The following CPVL variants were observed in gnomAD, a reference collection of about 807,000 sequenced individuals.
CPVL encodes the protein carboxypeptidase vitellogenic like.
A neutral mutation model predicts 63.7 loss-of-function variants in CPVL; 51 were observed. That is an observed-to-expected ratio of 0.80 (90% CI 0.64 to 1.01). The LOEUF is 1.01. Ranked by LOEUF, CPVL falls within the 50% of genes least tolerant of loss-of-function variation. The pLI, the probability that CPVL is intolerant of heterozygous loss-of-function variation, is 0.00. For synonymous variants in CPVL, 195 were observed against 206.0 expected, an observed-to-expected ratio of 0.95 and a Z score of 0.46; for missense variants, 530 against 573.1, an observed-to-expected ratio of 0.92 and a Z score of 0.77.
chr7:29,170,233 A>G (rs1235360886), intron 5 of CPVL, among the ~76,000 whole-genome samples: 2 of 152,166 alleles, frequency 1.3e-5, no homozygotes, highest in Non-Finnish European at 2.9e-5. Flanking sequence ...TGCTGGTGAT[A>G]CTGATGAAAC....
intron 2 of CPVL, among the ~76,000 whole-genome samples, chr7:29,115,209 A>C (rs1788656425): frequency 6.6e-6 from 1 of 152,252 alleles, no homozygotes; most frequent in South Asian, 2.1e-4. Flanking sequence ...ATATGGGTTC[A>C]GTCAATTGGA....
At chr7:29,129,785 C>T (rs1790489092) in intron 1 of CPVL, among the ~76,000 whole-genome samples, 1 of 152,096 alleles carries the variant, frequency 6.6e-6, no homozygotes, top group South Asian at 2.1e-4. Context: ...AACTTTACAC[C>T]AACCTAATAA....
intron 12 of CPVL, among the ~76,000 whole-genome samples, chr7:29,024,925 G>A (rs901956074): frequency 3.3e-5 from 5 of 152,126 alleles, no homozygotes; most frequent in Non-Finnish European, 5.9e-5. Flanking sequence ...TCTCATAAAT[G>A]AGAAAGAGAA....
intron 12 of CPVL, among the ~76,000 whole-genome samples, chr7:29,028,454 C>T (rs1400547998): frequency 6.6e-6 from 1 of 152,054 alleles, no homozygotes; most frequent in East Asian, 1.9e-4. Flanking sequence ...GGCTAAGACC[C>T]CAAAAGCATA....
At chr7:29,141,181 T>C (rs1791831130) in intron 1 of CPVL, among the ~76,000 whole-genome samples, 1 of 152,202 alleles carries the variant, frequency 6.6e-6, no homozygotes, top group South Asian at 2.1e-4. Context: ...TGCAAACGCC[T>C]AACACAGTAC....
At chr7:29,181,649 T>C (rs1798067855) in intron 4 of CPVL, among the ~76,000 whole-genome samples, 1 of 152,214 alleles carries the variant, frequency 6.6e-6, no homozygotes, top group African/African-American at 2.4e-5. Flanking sequence ...GAAAGTAGCT[T>C]TATTATGGCC....
At chr7:29,192,306 C>T (rs929600989) in intron 1 of CPVL, 2 of 152,176 alleles carry the variant, frequency 1.3e-5, no homozygotes, top group African/African-American at 2.4e-5. Context: ...CTTCATCTGT[C>T]AATTTAGGAC....
intron 11 of CPVL, among the ~76,000 whole-genome samples, chr7:29,043,699 G>A (rs1789346248): frequency 6.6e-6 from 1 of 152,186 alleles, no homozygotes; most frequent in Non-Finnish European, 1.5e-5. Context: ...AATAATAACA[G>A]TCATAAGCAA....
chr7:29,143,600 CA>C (rs1792135189), intron 1 of CPVL, among the ~76,000 whole-genome samples: 1 of 151,888 alleles, frequency 6.6e-6, no homozygotes, highest in African/African-American at 2.4e-5. Flanking sequence ...TACAGAGTCC[CA>C]AAAAGGAAAG....
intron 5 of CPVL, among the ~76,000 whole-genome samples, chr7:29,152,112 C>T (rs1793677882): frequency 6.6e-6 from 1 of 152,192 alleles, no homozygotes. Context: ...AAAAGTGACT[C>T]TATAGCCTCT....
At chr7:29,024,811 C>T (rs1382632275) in intron 12 of CPVL, among the ~76,000 whole-genome samples, 1 of 152,148 alleles carries the variant, frequency 6.6e-6, no homozygotes, top group Non-Finnish European at 1.5e-5. Flanking sequence ...ACATTCATTA[C>T]CATTGGACTG....
intron 1 of CPVL, among the ~76,000 whole-genome samples, chr7:29,189,076 G>A (rs898719679): frequency 2.0e-5 from 3 of 150,434 alleles, no homozygotes; most frequent in Admixed American, 1.3e-4. Context: ...TCAGCCTCCC[G>A]AGTAGCTGAC....
Position 29,122,122 on chromosome 7 carries a change from T to C in CPVL, c.-10-1051A>G, listed in dbSNP as rs543244318. Among the ~76,000 whole-genome samples, 4 of 152,334 alleles carry C rather than the reference T, an allele frequency of 2.6e-5. No homozygotes were observed. In the East Asian group the frequency reaches 7.7e-4, roughly 29 times the overall value. On this transcript the variant is annotated intron_variant, in intron 1 of 12. Coordinates refer to ENST00000265394, the MANE Select transcript of CPVL (RefSeq NM_031311.5). ...GTATTTGTAGATGATTTGAATCTCCTAATTCCACCAGTGTTACAGAAAAAC... is the reference window on the plus strand; with the variant it reads ...GTATTTGTAGATGATTTGAATCTCCCAATTCCACCAGTGTTACAGAAAAAC...
intron 1 of CPVL, among the ~76,000 whole-genome samples, chr7:29,140,098 C>T (rs1349016889): frequency 3.3e-5 from 5 of 152,182 alleles, no homozygotes; most frequent in African/African-American, 1.2e-4. Flanking sequence ...CTGCAACCTA[C>T]CTACCCTCCC....
chr7:29,120,941 G>T lies in CPVL; in HGVS notation c.121C>A (p.Gln41Lys). ...VSMPPKGDSG[Q>K]PLFLTPYIEA... is the part of the protein sequence containing the mutation. Reference sequence around the variant, plus strand: ...ATGTAAGGGGTGAGAAATAATGGCTGTCCTGAGTCTCCCTTAGGTGGCATG... The same window carrying T: ...ATGTAAGGGGTGAGAAATAATGGCTTTCCTGAGTCTCCCTTAGGTGGCATG... Residue 41 changes from glutamine to lysine, a missense_variant, in exon 2 of 13, where the codon CAG becomes AAG. Transcript: ENST00000265394. 4.3e-6 allele frequency: 7 copies of T among 1,613,666 alleles called. No homozygotes were observed. Among genetic ancestry groups the T allele is most frequent in the Non-Finnish European group, 5.9e-6 (7 of 1,179,866 alleles).
intron 1 of CPVL, among the ~76,000 whole-genome samples, chr7:29,139,740 C>T (rs754584105): frequency 1.3e-5 from 2 of 152,116 alleles, no homozygotes; most frequent in Non-Finnish European, 2.9e-5. Context: ...GTGCAGTCTG[C>T]CAGCTCAGAA....
At chr7:29,055,783 T>C (rs1319701806) in intron 11 of CPVL, among the ~76,000 whole-genome samples, 1 of 152,214 alleles carries the variant, frequency 6.6e-6, no homozygotes, top group African/African-American at 2.4e-5. Flanking sequence ...CTTCTCTGCC[T>C]TTTGTTTTTC....
chr7:29,068,413 C>G (rs1307909483), intron 9 of CPVL, among the ~76,000 whole-genome samples: 1 of 152,152 alleles, frequency 6.6e-6, no homozygotes, highest in Non-Finnish European at 1.5e-5. Flanking sequence ...CCATAGAAGG[C>G]GGTGTGGGTG....
chr7:29,116,371 A>AT (rs1788779943), intron 2 of CPVL, among the ~76,000 whole-genome samples: 1 of 152,232 alleles, frequency 6.6e-6, no homozygotes, highest in Non-Finnish European at 1.5e-5. Context: ...TGTCCTGTGC[A>AT]TCCTTCTATT....
Sources: allele counts gnomAD v4.1 joint callset (sites outside exome capture counted in the v4.1 genomes callset), GRCh38; gene constraint gnomAD v4.1.1; transcripts MANE v1.5; gene names NCBI Gene and HGNC (gene_info 2026-07-23, HGNC 2026-07-21).